Variants in LDB2 observed in about 807,000 individuals in gnomAD.
LDB2 encodes the protein LIM domain-binding protein 2.
A neutral mutation model predicts 44.3 loss-of-function variants in LDB2; 12 were observed. That is an observed-to-expected ratio of 0.27 (90% CI 0.17 to 0.44). The LOEUF (loss-of-function observed/expected upper bound fraction) is 0.44. Ranked by LOEUF, LDB2 falls within the 20% of genes least tolerant of loss-of-function variation. LDB2 has a pLI of 1.00. For missense variants in LDB2, 344 were observed against 473.5 expected, an observed-to-expected ratio of 0.73 and a Z score of 2.54; for synonymous variants, 164 against 174.8, an observed-to-expected ratio of 0.94 and a Z score of 0.49.
At chr4:16,673,849 G>C (rs757119403) in intron 2 of LDB2, among the ~76,000 whole-genome samples, 51 of 152,166 alleles carry the variant, frequency 3.4e-4, no homozygotes, top group Non-Finnish European at 6.5e-4. Flanking sequence ...ACCCTGCTCT[G>C]AGATGCTTGT....
chr4:16,662,717 C>T (rs1741933023), intron 2 of LDB2, among the ~76,000 whole-genome samples: 2 of 151,980 alleles, frequency 1.3e-5, no homozygotes, highest in Non-Finnish European at 2.9e-5. Flanking sequence ...GGGCAGTTCC[C>T]CTGAACATGC....
At chr4:16,854,448 A>G (rs1355853104) in intron 1 of LDB2, among the ~76,000 whole-genome samples, 1 of 150,290 alleles carries the variant, frequency 6.7e-6, no homozygotes, top group Non-Finnish European at 1.5e-5. Flanking sequence ...AACAGTGGTT[A>G]TTTTGCTATG....
At chr4:16,543,426 C>T (rs1158480238) in intron 5 of LDB2, among the ~76,000 whole-genome samples, 1 of 152,206 alleles carries the variant, frequency 6.6e-6, no homozygotes, top group Non-Finnish European at 1.5e-5. Context: ...ACATCCTCTC[C>T]AGCACCTGTT....
chr4:16,512,126 T>C lies in LDB2; in HGVS notation c.616-22A>G, dbSNP rs760798405. ...ACAACTGCAAGAAGTTCAAAGACAT[T>C]GGCATTTCACTACTTCATAACACTA... On this transcript the variant is annotated intron_variant, in intron 5 of 7. Transcript: ENST00000304523. The C allele has an allele frequency of 7.0e-6, 11 of 1,576,912 alleles. No homozygotes were observed. The South Asian group carries it at 1.3e-4, about 18-fold the overall frequency.
intron 5 of LDB2, 30 bp from the exon 6 acceptor site, chr4:16,512,134 CACT>C: frequency 6.4e-7 from 1 of 1,568,334 alleles, no homozygotes; most frequent in Non-Finnish European, 8.7e-7. Flanking sequence ...ATTGGCATTT[CACT>C]ACTTCATAAC....
intron 1 of LDB2, among the ~76,000 whole-genome samples, chr4:16,817,020 G>A (rs541875404): frequency 4.6e-5 from 7 of 152,122 alleles, no homozygotes; most frequent in South Asian, 2.1e-4. Context: ...GTATTGCATC[G>A]CCAACAAGAC....
intron 2 of LDB2, among the ~76,000 whole-genome samples, chr4:16,627,407 G>A (rs1385018063): frequency 2.0e-5 from 3 of 152,104 alleles, no homozygotes; most frequent in Admixed American, 6.5e-5. Flanking sequence ...CTATACAAGT[G>A]ACTATTCTCC....
rs116793674 is a variant in LDB2, at chr4:16,862,710, C to G, written c.132+35644G>C. On this transcript the variant is annotated intron_variant, in intron 1 of 7. Coordinates refer to ENST00000304523, the MANE Select transcript of LDB2 (RefSeq NM_001290.5). ...CTTGGTGAATTCTCTCTAAATAGCT[C>G]TATCTGTGACCACAATGTTTGCAAC... is the stretch of plus-strand genomic sequence containing the variant. Among the ~76,000 whole-genome samples the G allele has an allele frequency of 2.8e-3, 413 of 144,944 alleles. 1 individual carries two copies. Among genetic ancestry groups the G allele is most frequent in the Middle Eastern group, 7.4e-3 (2 of 270 alleles).
intron 2 of LDB2, among the ~76,000 whole-genome samples, chr4:16,640,896 T>C (rs1484750058): frequency 6.6e-6 from 1 of 152,252 alleles, no homozygotes; most frequent in East Asian, 1.9e-4. Flanking sequence ...TCATTTTTAG[T>C]TCAAATTCAA....
intron 1 of LDB2, among the ~76,000 whole-genome samples, chr4:16,877,100 T>A (rs554469877): frequency 5.9e-5 from 9 of 152,232 alleles, no homozygotes; most frequent in African/African-American, 2.2e-4. Flanking sequence ...CATTTTCAAA[T>A]CTGTTACCTT....
At chr4:16,624,413 AAAAT>A (rs529910849) in intron 2 of LDB2, among the ~76,000 whole-genome samples, 240 of 152,254 alleles carry the variant, frequency 1.6e-3, no homozygotes, top group African/African-American at 4.0e-3. Flanking sequence ...TAAAATTTTT[AAAAT>A]AAATAAATAA....
intron 2 of LDB2, among the ~76,000 whole-genome samples, chr4:16,704,461 G>A (rs546353659): frequency 6.6e-6 from 1 of 152,118 alleles, no homozygotes; most frequent in African/African-American, 2.4e-5. Flanking sequence ...CAAATTTTCT[G>A]CCTTAATTGG....
At chr4:16,711,026 T>C (rs1755748047) in intron 2 of LDB2, among the ~76,000 whole-genome samples, 1 of 152,238 alleles carries the variant, frequency 6.6e-6, no homozygotes, top group South Asian at 2.1e-4. Flanking sequence ...AAAACATACA[T>C]TAATCTGTCC....
At chr4:16,577,490 A>G (rs537348983) in intron 5 of LDB2, among the ~76,000 whole-genome samples, 78 of 152,324 alleles carry the variant, frequency 5.1e-4, no homozygotes, top group Non-Finnish European at 9.9e-4. Context: ...TACAAATTAA[A>G]TAAAATACCT....
intron 5 of LDB2, among the ~76,000 whole-genome samples, chr4:16,575,444 G>C (rs1248508362): frequency 6.6e-6 from 1 of 152,184 alleles, no homozygotes; most frequent in African/African-American, 2.4e-5. Context: ...CTGCACTAGA[G>C]ACCAAATGGA....
intron 1 of LDB2, among the ~76,000 whole-genome samples, chr4:16,796,443 T>G (rs933030530): frequency 3.3e-5 from 5 of 152,128 alleles, no homozygotes; most frequent in African/African-American, 9.7e-5. Context: ...TAGTACTGGA[T>G]TATAACTCAA....
intron 1 of LDB2, among the ~76,000 whole-genome samples, chr4:16,824,615 C>T (rs1782714005): frequency 2.0e-5 from 3 of 152,210 alleles, no homozygotes; most frequent in African/African-American, 7.2e-5. Context: ...GAACCTACAC[C>T]TATGTGGTCA....
intron 1 of LDB2, among the ~76,000 whole-genome samples, chr4:16,896,086 G>C (rs1264313164): frequency 6.6e-6 from 1 of 151,936 alleles, no homozygotes; most frequent in Non-Finnish European, 1.5e-5. Context: ...AATTAAGGAG[G>C]GAAAAATGTA....
rs1762762836 is a variant in LDB2, at chr4:16,739,685, TATGTATATATAC to T, written c.235+19461_235+19472del. Among the ~76,000 whole-genome samples, 2 of 93,010 alleles carry T rather than the reference TATGTATATATAC, an allele frequency of 2.2e-5. 1 individual carries two copies. The highest frequency in any genetic ancestry group is 8.2e-5 in the African/African-American group (2 of 24,508). 61.0% of individuals were successfully genotyped at this position (93,010 alleles called of 152,430 possible). On this transcript the variant is annotated intron_variant, in intron 2 of 7. Transcript: ENST00000304523. ...ATGTATATATACATATGTGTGTATA[TATGTATATATAC>T]ATATATGTGTATATATGTATATATA...
Sources: gnomAD v4.1 joint callset for allele counts (sites outside exome capture counted in the v4.1 genomes callset) on GRCh38, gnomAD v4.1.1 for gene constraint, MANE v1.5 for transcripts, NCBI Gene and HGNC (gene_info 2026-07-23, HGNC 2026-07-21) for gene names.